HDAC9: variants seen among roughly 807,000 people sequenced by gnomAD.
HDAC9 encodes the protein MEF-2 interacting transcription repressor (MITR) protein.
A neutral mutation model predicts 139.4 loss-of-function variants in HDAC9; 41 were observed. The observed-to-expected ratio is 0.29, with a 90% confidence interval of 0.23 to 0.38. The LOEUF is 0.38. Ranked by LOEUF, HDAC9 falls within the 10% of genes least tolerant of loss-of-function variation. The pLI, the probability that HDAC9 is intolerant of heterozygous loss-of-function variation, is 1.00. For synonymous variants in HDAC9, 517 were observed against 476.2 expected, an observed-to-expected ratio of 1.09 and a Z score of -1.12; for missense variants, 1,147 against 1,297.0, an observed-to-expected ratio of 0.88 and a Z score of 1.78.
chr7:18,168,497 C>A lies in HDAC9; in HGVS notation c.25+6148C>A, dbSNP rs368565886. 5.3e-5 allele frequency among the ~76,000 whole-genome samples: 8 copies of A among 152,154 alleles called. No homozygotes were observed. In the East Asian group the frequency reaches 1.5e-3, roughly 29 times the overall value. On this transcript the variant is annotated intron_variant, in intron 2 of 12. Transcript: ENST00000417496. ...CCTTTGTTTATAACATTATGTGGAA[C>A]CTTTATGGAGGATTTTTTTGTCTGT...
rs1379070011 is a variant in HDAC9 at position 18,187,816 on chromosome 7, A to G, written c.25+25467A>G. 2.6e-5 allele frequency among the ~76,000 whole-genome samples: 4 copies of G among 152,284 alleles called. No homozygotes were observed. In the East Asian group the frequency reaches 7.7e-4, roughly 29 times the overall value. On this transcript the variant is annotated intron_variant, in intron 2 of 12. Transcript: ENST00000417496. ...TTGTCAGTAATCACAAGGCATTCCTACTGTCAAGGGTATAGGGCAAACCAT... is the reference window on the plus strand; with the variant it reads ...TTGTCAGTAATCACAAGGCATTCCTGCTGTCAAGGGTATAGGGCAAACCAT...
chr7:18,477,949 A>G (rs1404915717), intron 1 of HDAC9, among the ~76,000 whole-genome samples: 2 of 152,132 alleles, frequency 1.3e-5, no homozygotes, highest in African/African-American at 4.8e-5. Context: ...GCATTTTTCT[A>G]TGCTTGCTTT....
chr7:18,939,167 T>C (rs150982420), intron 23 of HDAC9, among the ~76,000 whole-genome samples: 25 of 152,330 alleles, frequency 1.6e-4, no homozygotes, highest in African/African-American at 5.8e-4. Flanking sequence ...AAGCACAACC[T>C]AAAATTTTTT....
In HDAC9 at chr7:18,954,284, T is replaced by C. The variant is rs183881577; in HGVS notation, c.3022+54T>C. 2.0e-4 allele frequency: 217 copies of C among 1,111,492 alleles called. No individual in the cohort carries two copies. The African/African-American group carries it at 3.0e-3, about 15-fold the overall frequency. 68.9% of individuals were successfully genotyped at this position (1,111,492 alleles called of 1,614,324 possible). ...CTAAGCAGGTAAAACTAACTAAAAT[T>C]ATATTGAAAATTATAGTACAAAGAA... On this transcript the variant is annotated intron_variant, in intron 24 of 25. Coordinates refer to ENST00000686413, the MANE Select transcript of HDAC9 (RefSeq NM_178425.4).
intron 6 of HDAC9, among the ~76,000 whole-genome samples, chr7:18,608,969 C>T (rs1210173544): frequency 3.3e-5 from 5 of 151,968 alleles, no homozygotes; most frequent in East Asian, 1.9e-4. Flanking sequence ...CCAAGCCACC[C>T]GAGGAATATA....
Position 18,928,168 on chromosome 7 carries a change from T to C in HDAC9, c.2804-7641T>C, listed in dbSNP as rs555411569. Among the ~76,000 whole-genome samples the C allele has an allele frequency of 4.6e-5, 7 of 152,310 alleles. No homozygotes were observed. In the South Asian group the frequency reaches 1.5e-3, roughly 32 times the overall value. On this transcript the variant is annotated intron_variant, in intron 22 of 25. Transcript: ENST00000686413. ...AAATTGTAGGTTGGAGAGAATTCCCTGTTCAACCTACTACAGCATTAACTC... is the reference window on the plus strand; with the variant it reads ...AAATTGTAGGTTGGAGAGAATTCCCCGTTCAACCTACTACAGCATTAACTC...
At chr7:18,827,276 T>G (rs1383814334) in intron 17 of HDAC9, among the ~76,000 whole-genome samples, 1 of 152,150 alleles carries the variant, frequency 6.6e-6, no homozygotes, top group Non-Finnish European at 1.5e-5. Context: ...TCCATGGTAT[T>G]TGGTTTTCCC....
rs749850299 is a variant in HDAC9 at position 18,732,701 on chromosome 7, G to GTA, written c.1909+4946_1909+4947dup. Among the ~76,000 whole-genome samples, 222 of 78,634 alleles carry GTA rather than the reference G, an allele frequency of 2.8e-3. 10 individuals are homozygous for GTA. The highest frequency in any genetic ancestry group is 4.0e-3 in the Non-Finnish European group (157 of 39,728). 51.6% of individuals were successfully genotyped at this position (78,634 alleles called of 152,430 possible). On this transcript the variant is annotated intron_variant, in intron 13 of 25. Transcript: ENST00000686413. The stretch of plus-strand genomic sequence containing the variant: ...TGCGTATGTGTACACACACACACGT[G>GTA]TATGTGTGCGTATGTGTACACACAC...
At chr7:18,375,514 A>G (rs1404733354) in intron 1 of HDAC9, among the ~76,000 whole-genome samples, 5 of 152,126 alleles carry the variant, frequency 3.3e-5, no homozygotes. Flanking sequence ...AATTTATATA[A>G]TGCGGTTGGT....
intron 1 of HDAC9, among the ~76,000 whole-genome samples, chr7:18,478,490 C>G (rs917979998): frequency 6.6e-6 from 1 of 152,130 alleles, no homozygotes; most frequent in African/African-American, 2.4e-5. Context: ...GTTTGAAAAT[C>G]AACTTTTATT....
intron 1 of HDAC9, among the ~76,000 whole-genome samples, chr7:18,380,532 T>G (rs1437628729): frequency 2.0e-5 from 3 of 152,222 alleles, no homozygotes; most frequent in Non-Finnish European, 4.4e-5. Context: ...GTCATCTGTA[T>G]AGAGAGGAAG....
chr7:18,822,408 G>A (rs1192366559), intron 17 of HDAC9, among the ~76,000 whole-genome samples: 1 of 152,160 alleles, frequency 6.6e-6, no homozygotes, highest in Admixed American at 6.5e-5. Flanking sequence ...AGGCTGGGGT[G>A]CAATGGGGCG....
chr7:18,900,297 A>G (rs989607029), intron 22 of HDAC9, among the ~76,000 whole-genome samples: 1 of 152,172 alleles, frequency 6.6e-6, no homozygotes, highest in African/African-American at 2.4e-5. Flanking sequence ...AGGACTGGGA[A>G]AACTCTAGGG....
intron 1 of HDAC9, among the ~76,000 whole-genome samples, chr7:18,416,306 CA>C (rs1048337530): frequency 6.6e-6 from 1 of 151,560 alleles, no homozygotes; most frequent in Non-Finnish European, 1.5e-5. Context: ...CAAAAAAAAA[CA>C]AAAAACAACA....
Position 18,637,530 on chromosome 7 carries a change from A to G in HDAC9, c.912+2788A>G, listed in dbSNP as rs990621511. Among the ~76,000 whole-genome samples, 6 of 152,112 alleles carry G rather than the reference A, an allele frequency of 3.9e-5. No individual in the cohort carries two copies. In the East Asian group the frequency reaches 9.7e-4, roughly 25 times the overall value. ...ACCATTAAAAAAAGAAAAACAAAACAAAACAGAGGGAAATGTGATTTAATG... is the reference window on the plus strand; with the variant it reads ...ACCATTAAAAAAAGAAAAACAAAACGAAACAGAGGGAAATGTGATTTAATG... On this transcript the variant is annotated intron_variant, in intron 8 of 25. Transcript: ENST00000686413.
At chr7:18,208,899 C>T (rs1479257628) in intron 2 of HDAC9, among the ~76,000 whole-genome samples, 2 of 152,162 alleles carry the variant, frequency 1.3e-5, no homozygotes, top group East Asian at 1.9e-4. Flanking sequence ...CAGGAAAAGA[C>T]TTCTGCCTTA....
chr7:18,961,460 G>T (rs1038619327), intron 24 of HDAC9, among the ~76,000 whole-genome samples: 2 of 152,146 alleles, frequency 1.3e-5, no homozygotes, highest in African/African-American at 4.8e-5. Flanking sequence ...AGAAAGAAAA[G>T]ATTTGAAAGG....
chr7:18,133,677 T>G (rs995658004), intron 1 of HDAC9, among the ~76,000 whole-genome samples: 3 of 152,238 alleles, frequency 2.0e-5, no homozygotes, highest in Non-Finnish European at 2.9e-5. Flanking sequence ...GTTTTGCATT[T>G]AAAATGGCAC....
intron 2 of HDAC9, among the ~76,000 whole-genome samples, chr7:18,237,006 G>C (rs542360972): frequency 6.6e-6 from 1 of 152,168 alleles, no homozygotes; most frequent in Non-Finnish European, 1.5e-5. Flanking sequence ...GAACCTCTTA[G>C]TTCTGGGCAA....
Sources: gnomAD v4.1 joint callset for allele counts (sites outside exome capture counted in the v4.1 genomes callset) on GRCh38, gnomAD v4.1.1 for gene constraint, MANE v1.5 for transcripts, NCBI Gene and HGNC (gene_info 2026-07-23, HGNC 2026-07-21) for gene names.